The following PDE4D variants were observed in gnomAD, a reference collection of about 807,000 sequenced individuals.
The protein encoded by PDE4D is 3',5'-cyclic-AMP phosphodiesterase 4D.
A neutral mutation model predicts 87.4 loss-of-function variants in PDE4D; 24 were observed. The observed-to-expected ratio is 0.27, with a 90% CI of 0.20 to 0.39. The LOEUF is 0.39. PDE4D is among the 10% of genes least tolerant of loss of function. The pLI, the probability that PDE4D is intolerant of heterozygous loss-of-function variation, is 1.00. For synonymous variants in PDE4D, 384 were observed against 383.2 expected (o/e 1.00, Z -0.02); for missense variants, 714 against 1,041.0 (o/e 0.69, Z 4.32).
intron 2 of PDE4D, among the ~76,000 whole-genome samples, chr5:60,092,604 T>A (rs531274057): frequency 9.2e-5 from 14 of 151,500 alleles, no homozygotes; most frequent in Non-Finnish European, 1.9e-4. Context: ...TGGAGGGTAC[T>A]AGGAATAAAG....
At chr5:59,439,117 G>C (rs1797207383) in intron 1 of PDE4D, among the ~76,000 whole-genome samples, 1 of 152,150 alleles carries the variant, frequency 6.6e-6, no homozygotes, top group South Asian at 2.1e-4. Context: ...CCAGCACTTT[G>C]GGAAGCCGAC....
intron 1 of PDE4D, among the ~76,000 whole-genome samples, chr5:59,672,148 C>T (rs933453669): frequency 6.6e-6 from 1 of 152,066 alleles, no homozygotes; most frequent in African/African-American, 2.4e-5. Context: ...TAACAGCATG[C>T]CTAGCCAGGA....
intron 1 of PDE4D, among the ~76,000 whole-genome samples, chr5:59,243,403 C>T (rs900971093): frequency 7.4e-5 from 11 of 147,896 alleles, no homozygotes; most frequent in Admixed American, 6.1e-4. Context: ...AAATGTTTTC[C>T]CTTTTTTAAA....
intron 1 of PDE4D, among the ~76,000 whole-genome samples, chr5:59,852,278 CA>C (rs981921328): frequency 2.6e-5 from 4 of 152,076 alleles, no homozygotes; most frequent in African/African-American, 9.7e-5. Context: ...CTCACTCTCA[CA>C]TTGCGTAGGG....
intron 5 of PDE4D, among the ~76,000 whole-genome samples, chr5:59,171,490 T>G (rs1782754235): frequency 1.3e-5 from 2 of 152,182 alleles, no homozygotes; most frequent in Non-Finnish European, 2.9e-5. Context: ...GTCCATAAAA[T>G]AAAGTCCACT....
At chr5:60,406,017 A>G (rs183057542) in intron 1 of PDE4D, among the ~76,000 whole-genome samples, 150 of 146,950 alleles carry the variant, frequency 1.0e-3, no homozygotes, top group Non-Finnish European at 1.7e-3. Flanking sequence ...ATCATCTTGC[A>G]CTTTTTTTTT....
At chr5:59,201,847 T>C (rs1156594245) in intron 2 of PDE4D, among the ~76,000 whole-genome samples, 1 of 152,098 alleles carries the variant, frequency 6.6e-6, no homozygotes, top group Non-Finnish European at 1.5e-5. Flanking sequence ...ACCAAAACTT[T>C]CAATTTGGCA....
chr5:59,193,003 G>C (rs982774150), intron 3 of PDE4D, among the ~76,000 whole-genome samples: 1 of 152,132 alleles, frequency 6.6e-6, no homozygotes, highest in African/African-American at 2.4e-5. Flanking sequence ...TCACCTGCTT[G>C]CACATATGTC....
At chr5:59,061,555 G>A (rs1029913035) in intron 5 of PDE4D, among the ~76,000 whole-genome samples, 1 of 152,042 alleles carries the variant, frequency 6.6e-6, no homozygotes, top group Non-Finnish European at 1.5e-5. Context: ...CTGCAGGACT[G>A]TCTGTATAAC....
At position 59,204,192 on chromosome 5, in the gene PDE4D, C is replaced by T. The variant is rs770190606; in HGVS notation, c.648-10656G>A. Among the ~76,000 whole-genome samples, 156 of 131,554 alleles carry T rather than the reference C, an allele frequency of 1.2e-3. 1 individual carries two copies. The highest frequency in any genetic ancestry group is 2.1e-3 in the Admixed American group (30 of 14,194). The allele number at this position is 131,554 out of a possible 152,430, so 86.3% of individuals were successfully genotyped here. On this transcript the variant is annotated intron_variant, in intron 2 of 14. Transcript: ENST00000340635. ...AATTAGAGCCCGGCCCCATCTTTGA[C>T]CAAAAAAAAAAAAAAAATCTTTCAA...
At chr5:59,714,518 C>T (rs1754702952) in intron 1 of PDE4D, among the ~76,000 whole-genome samples, 1 of 152,218 alleles carries the variant, frequency 6.6e-6, no homozygotes, top group African/African-American at 2.4e-5. Flanking sequence ...TAAACACCAG[C>T]GCTGATATAT....
intron 5 of PDE4D, among the ~76,000 whole-genome samples, chr5:59,179,424 T>C (rs1740954636): frequency 6.6e-6 from 1 of 152,168 alleles, no homozygotes; most frequent in African/African-American, 2.4e-5. Flanking sequence ...TCTTGATCAA[T>C]ATCAAGAACA....
intron 1 of PDE4D, among the ~76,000 whole-genome samples, chr5:59,582,543 A>G (rs538347483): frequency 6.6e-6 from 1 of 152,336 alleles, no homozygotes; most frequent in East Asian, 1.9e-4. Flanking sequence ...GAACACATAT[A>G]TGAATATATT....
chr5:59,980,194 A>T lies in PDE4D; in HGVS notation c.272+8294T>A, dbSNP rs546752228. Among the ~76,000 whole-genome samples the T allele has an allele frequency of 2.6e-5, 4 of 152,206 alleles. No homozygotes were observed. In the South Asian group the frequency reaches 8.3e-4, roughly 31 times the overall value. On this transcript the variant is annotated intron_variant, in intron 3 of 16. Coordinates refer to the PDE4D transcript ENST00000502484. The stretch of plus-strand genomic sequence containing the variant: ...TTAAAGAATTATAAGCTCTCCTTAA[A>T]CACTTCAGTGATTCACAGTTCTGCA...
intron 1 of PDE4D, among the ~76,000 whole-genome samples, chr5:59,296,903 T>A (rs369502217): frequency 6.6e-5 from 10 of 152,286 alleles, no homozygotes; most frequent in African/African-American, 2.4e-4. Flanking sequence ...AATGGAGTAT[T>A]TTTCTCCTTA....
chr5:59,831,405 A>AT (rs1487601940), intron 1 of PDE4D, among the ~76,000 whole-genome samples: 4 of 151,774 alleles, frequency 2.6e-5, no homozygotes, highest in Admixed American at 2.6e-4. Context: ...CAAGAACAAG[A>AT]TTCTTTGAAA....
intron 1 of PDE4D, among the ~76,000 whole-genome samples, chr5:59,845,656 T>C (rs549803415): frequency 1.9e-4 from 29 of 152,258 alleles, no homozygotes; most frequent in African/African-American, 6.7e-4. Flanking sequence ...ACATTTAATG[T>C]ATTGTCTGAA....
intron 1 of PDE4D, among the ~76,000 whole-genome samples, chr5:59,372,469 A>G (rs1018750538): frequency 3.9e-5 from 6 of 152,264 alleles, no homozygotes; most frequent in Non-Finnish European, 7.3e-5. Flanking sequence ...AGTTTTAAGC[A>G]TAGTTTAATG....
chr5:60,468,116 T>A (rs1186456815), intron 1 of PDE4D, among the ~76,000 whole-genome samples: 2 of 149,000 alleles, frequency 1.3e-5, no homozygotes, highest in African/African-American at 5.0e-5. Context: ...CTAATACACA[T>A]CCTAACTTTC....
Sources: gnomAD v4.1 joint callset for allele counts (sites outside exome capture counted in the v4.1 genomes callset) on GRCh38, gnomAD v4.1.1 for gene constraint, MANE v1.5 for transcripts, NCBI Gene and HGNC (gene_info 2026-07-23, HGNC 2026-07-21) for gene names.